Variants in CFI observed in about 807,000 individuals in gnomAD.
CFI encodes C3B/C4B inactivator.
CFI carries 66 observed loss-of-function variants against 78.8 expected under a neutral mutation model. The observed-to-expected ratio is 0.84, with a 90% CI of 0.69 to 1.03. CFI has a LOEUF of 1.03. Among genes scored for constraint, CFI ranks in the 50% least tolerant of loss-of-function variants. The pLI, the probability that CFI is intolerant of heterozygous loss-of-function variation, is 0.00. For synonymous variants in CFI, 250 were observed against 232.6 expected, an observed-to-expected ratio of 1.07 and a Z score of -0.68; for missense variants, 706 against 704.5, an observed-to-expected ratio of 1.00 and a Z score of -0.02.
chr4:109,764,734 CT>C, intron 2 of CFI, 44 bp from the exon 3 acceptor site: 2 of 1,555,916 alleles, frequency 1.3e-6, no homozygotes, highest in Non-Finnish European at 1.8e-6. Flanking sequence ...TAGCCATTCA[CT>C]TTTTTCTCTT....
intron 3 of CFI, among the ~76,000 whole-genome samples, chr4:109,764,003 T>C (rs1727405706): frequency 6.7e-6 from 1 of 148,568 alleles, no homozygotes; most frequent in Non-Finnish European, 1.5e-5. Flanking sequence ...TTATAGTATA[T>C]AAGCTATATA....
intron 1 of CFI, among the ~76,000 whole-genome samples, chr4:109,792,092 G>A (rs113063377): frequency 2.0e-5 from 3 of 151,936 alleles, no homozygotes; most frequent in Non-Finnish European, 4.4e-5. Context: ...AGTCCTATAC[G>A]GTCTATCTTA....
chr4:109,774,360 T>C (rs1728956191), intron 1 of CFI, among the ~76,000 whole-genome samples: 1 of 152,090 alleles, frequency 6.6e-6, no homozygotes, highest in African/African-American at 2.4e-5. Flanking sequence ...TCAGAGAAGA[T>C]TTTGGAGAAA....
At chr4:109,769,929 C>CT (rs1360868045) in intron 1 of CFI, among the ~76,000 whole-genome samples, 1 of 152,138 alleles carries the variant, frequency 6.6e-6, no homozygotes, top group Non-Finnish European at 1.5e-5. Flanking sequence ...AGTACTAGTT[C>CT]TTTTTTCTCC....
At chr4:109,748,969 G>A (rs1411255882) in intron 10 of CFI, among the ~76,000 whole-genome samples, 1 of 152,162 alleles carries the variant, frequency 6.6e-6, no homozygotes, top group Non-Finnish European at 1.5e-5. Flanking sequence ...GCCAGGTGAA[G>A]TAATTTGGCA....
At chr4:109,771,400 T>TAC (rs1728567081) in intron 1 of CFI, among the ~76,000 whole-genome samples, 1 of 101,290 alleles carries the variant, frequency 9.9e-6, no homozygotes, top group African/African-American at 3.6e-5. Context: ...CTACTAAAAA[T>TAC]AAAAAAAAAA....
chr4:109,760,963 T>A (rs536717773), intron 4 of CFI, among the ~76,000 whole-genome samples: 1 of 152,204 alleles, frequency 6.6e-6, no homozygotes, highest in African/African-American at 2.4e-5. Flanking sequence ...ATACTCATCC[T>A]CACCCCTACT....
At chr4:109,748,966 G>A (rs1163521504) in intron 10 of CFI, among the ~76,000 whole-genome samples, 2 of 152,148 alleles carry the variant, frequency 1.3e-5, no homozygotes, top group Non-Finnish European at 2.9e-5. Flanking sequence ...TAAGCCAGGT[G>A]AAGTAATTTG....
the CFI span, among the ~76,000 whole-genome samples, chr4:109,733,537 A>T: frequency 3.3e-5 from 5 of 152,214 alleles, no homozygotes; most frequent in African/African-American, 1.2e-4. Flanking sequence ...TAGGTATGGC[A>T]TAAGTATGGC....
intron 1 of CFI, among the ~76,000 whole-genome samples, chr4:109,768,334 TAAAAA>T (rs756365540): frequency 1.6e-5 from 1 of 63,180 alleles, no homozygotes; most frequent in Non-Finnish European, 2.9e-5. Context: ...GAAGAAATCC[TAAAAA>T]AAAAAAAAAA....
In CFI at chr4:109,753,219, T is replaced by TAAATATTATATAAATAA. The variant is rs1561292736; in HGVS notation, c.905-717_905-716insTTATTTATATAATATTT. 7.9e-4 allele frequency among the ~76,000 whole-genome samples: 4 copies of TAAATATTATATAAATAA among 5,034 alleles called. 2 individuals carry two copies. Among genetic ancestry groups the TAAATATTATATAAATAA allele is most frequent in the Admixed American group, 0.018 (2 of 112 alleles). The allele number at this position is 5,034 out of a possible 152,430, so 3.3% of individuals were successfully genotyped here. Reference sequence around the variant, plus strand: ...AAATATTTATAATATATATTTATAATATATTTATAATATAAATAAATATTT... The same window carrying TAAATATTATATAAATAA: ...AAATATTTATAATATATATTTATAATAAATATTATATAAATAAATATTTATAATATAAATAAATATTT... On this transcript the variant is annotated intron_variant, in intron 7 of 12. Transcript: ENST00000394634.
chr4:109,777,886 G>C (rs1199815444), intron 1 of CFI, among the ~76,000 whole-genome samples: 2 of 151,772 alleles, frequency 1.3e-5, no homozygotes, highest in African/African-American at 4.8e-5. Context: ...ATGACTACTG[G>C]GTACATAACG....
At chr4:109,785,172 G>A (rs922850502) in intron 1 of CFI, among the ~76,000 whole-genome samples, 10 of 151,926 alleles carry the variant, frequency 6.6e-5, no homozygotes, top group Admixed American at 2.6e-4. Context: ...CTCTCTTTTC[G>A]GACTCAGCCC....
chr4:109,764,609 G>A lies in CFI; in HGVS notation c.410C>T (p.Thr137Ile), dbSNP rs766921456. ...CCAGCTGCTTTTGCATATGAACATT[G>A]TCTTATCTTGGTCCACAAGTTTTAC... is the stretch of plus-strand genomic sequence containing the variant. ...VEVKLVDQDK[T>I]MFICKSSWSM... The change falls in exon 3 of 13, where the codon ACA becomes ATA. Residue 137 changes from threonine to isoleucine, a missense_variant. Physicochemically the swap from Thr to Ile is moderately conservative, Grantham distance 89. Transcript: ENST00000394634. 6.2e-7 allele frequency: 1 copy of A among 1,614,050 alleles called. No homozygotes were observed.
intron 7 of CFI, among the ~76,000 whole-genome samples, chr4:109,754,393 G>T (rs1331746544): frequency 7.0e-6 from 1 of 142,140 alleles, no homozygotes; most frequent in Non-Finnish European, 1.5e-5. Context: ...TTAGCATTAG[G>T]CATCTGGGAT....
At chr4:109,760,440 A>G (rs896311655) in intron 5 of CFI, 60 bp from the exon 6 acceptor site, 98 of 1,496,604 alleles carry the variant, frequency 6.5e-5, no homozygotes, top group Non-Finnish European at 8.9e-5. Flanking sequence ...GAGGTACAAT[A>G]TAAAATTCAA....
At chr4:109,776,094 C>A (rs192892434) in intron 1 of CFI, among the ~76,000 whole-genome samples, 1 of 152,076 alleles carries the variant, frequency 6.6e-6, no homozygotes, top group East Asian at 1.9e-4. Context: ...TTGCCAGCAA[C>A]GGAACAAAGC....
intron 1 of CFI, among the ~76,000 whole-genome samples, chr4:109,783,252 T>TG (rs1471324289): frequency 4.6e-5 from 7 of 152,098 alleles, no homozygotes; most frequent in African/African-American, 1.7e-4. Flanking sequence ...ACCCATAGGG[T>TG]GTGAGAAAAT....
intron 1 of CFI, among the ~76,000 whole-genome samples, chr4:109,772,863 T>A (rs541194004): frequency 2.0e-4 from 31 of 152,290 alleles, no homozygotes; most frequent in Admixed American, 7.2e-4. Context: ...GGATTACAGA[T>A]GTGTGCCACC....
Sources: gnomAD v4.1 joint callset for allele counts (sites outside exome capture counted in the v4.1 genomes callset) on GRCh38, gnomAD v4.1.1 for gene constraint, MANE v1.5 for transcripts, NCBI Gene and HGNC (gene_info 2026-07-23, HGNC 2026-07-21) for gene names.